Variants in TAF4B observed in about 807,000 individuals in gnomAD.
The protein encoded by TAF4B is transcription initiation factor TFIID subunit 4B.
Under a neutral mutation model 86.4 loss-of-function variants are expected in TAF4B, and 38 were observed. That is an observed-to-expected ratio of 0.44 (90% CI 0.34 to 0.58). The LOEUF (loss-of-function observed/expected upper bound fraction) is 0.58. Among genes scored for constraint, TAF4B ranks in the 20% least tolerant of loss-of-function variants. TAF4B has a pLI of 0.02. For synonymous variants in TAF4B, 388 were observed against 391.2 expected (o/e 0.99, Z 0.10); for missense variants, 988 against 1,027.6 (o/e 0.96, Z 0.53).
intron 13 of TAF4B, among the ~76,000 whole-genome samples, chr18:26,340,253 G>T (rs994414813): frequency 6.6e-6 from 1 of 152,136 alleles, no homozygotes; most frequent in African/African-American, 2.4e-5. Flanking sequence ...TTAGGTACGA[G>T]AACAGCACAG....
intron 9 of TAF4B, among the ~76,000 whole-genome samples, chr18:26,310,010 A>T (rs767126125): frequency 6.6e-6 from 1 of 151,906 alleles, no homozygotes; most frequent in Admixed American, 6.6e-5. Flanking sequence ...TTTAGTAGAG[A>T]TGGGGTTTCA....
chr18:26,329,744 A>G (rs780546262), intron 12 of TAF4B, among the ~76,000 whole-genome samples: 6 of 152,214 alleles, frequency 3.9e-5, no homozygotes, highest in Non-Finnish European at 7.3e-5. Flanking sequence ...TGATCATTTC[A>G]AAAGGGTCAT....
At chr18:26,307,640 A>T (rs1193430002) in intron 9 of TAF4B, among the ~76,000 whole-genome samples, 1 of 152,046 alleles carries the variant, frequency 6.6e-6, no homozygotes, top group Non-Finnish European at 1.5e-5. Flanking sequence ...TGTGATTTTT[A>T]TTACTTTAAA....
chr18:26,266,400 G>A (rs143012465), intron 2 of TAF4B, among the ~76,000 whole-genome samples: 1 of 152,116 alleles, frequency 6.6e-6, no homozygotes, highest in Non-Finnish European at 1.5e-5. Context: ...GCTGAGTACT[G>A]TACCCAGCCT....
rs1268220228 is a variant in TAF4B, at chr18:26,227,166, C to A, written c.233C>A (p.Ala78Asp). The change falls in exon 1 of 15, where the codon GCC becomes GAC. Residue 78 changes from alanine to aspartate, a missense_variant. Physicochemically the swap from Ala to Asp is moderately radical, Grantham distance 126. Around this residue, in one of 3 missense-constraint regions of TAF4B, gnomAD observed 747 missense variants for 737.9 expected, o/e 1.01. Transcript: ENST00000269142. ...TLVTKVAPVS[A>D]PPKVSSGPRL... The stretch of plus-strand genomic sequence containing the variant: ...GTGACCAAAGTGGCTCCGGTCAGCG[C>A]CCCTCCTAAAGTCAGCAGCGGCCCT... 6.2e-7 allele frequency: 1 copy of A among 1,614,038 alleles called. No homozygotes were observed. The highest frequency in any genetic ancestry group is 8.5e-7 in the Non-Finnish European group (1 of 1,180,032).
At chr18:26,238,446 T>C (rs528366093) in intron 1 of TAF4B, among the ~76,000 whole-genome samples, 87 of 152,090 alleles carry the variant, frequency 5.7e-4, no homozygotes, top group Middle Eastern at 3.4e-3. Context: ...GGAGGGATCC[T>C]AAAATTCCAG....
At position 26,231,034 on chromosome 18, in the gene TAF4B, CTT is replaced by C. The variant is rs536863843; in HGVS notation, c.343+3782_343+3783del. Among the ~76,000 whole-genome samples, 18 of 66,160 alleles carry C rather than the reference CTT, an allele frequency of 2.7e-4. 1 individual carries two copies. Among genetic ancestry groups the C allele is most frequent in the African/African-American group, 9.8e-4 (17 of 17,306 alleles). 43.4% of individuals were successfully genotyped at this position (66,160 alleles called of 152,430 possible). A position where few individuals can be genotyped will look rare whatever the true frequency, so the allele number is the denominator to read the frequency against. On this transcript the variant is annotated intron_variant, in intron 1 of 14. Transcript: ENST00000269142. ...GACAAACTTGTGGTGTGTTGTTTTG[CTT>C]TTTTTTTTTTTTTTTTTTTTTTTGA...
intron 13 of TAF4B, among the ~76,000 whole-genome samples, chr18:26,343,920 C>A (rs1020446321): frequency 1.3e-5 from 2 of 152,060 alleles, no homozygotes; most frequent in African/African-American, 4.8e-5. Context: ...ATCTTAACTC[C>A]CATAGGAAGA....
At chr18:26,289,455 T>C (rs922001142) in intron 7 of TAF4B, among the ~76,000 whole-genome samples, 9 of 152,206 alleles carry the variant, frequency 5.9e-5, no homozygotes, top group African/African-American at 2.2e-4. Flanking sequence ...TTATTTCTCA[T>C]TTGCGTTTGT....
intron 9 of TAF4B, 116 bp downstream of exon 9, chr18:26,293,647 CAG>C (rs1238092678): frequency 1.7e-6 from 1 of 603,414 alleles, no homozygotes; most frequent in Non-Finnish European, 2.8e-6. Context: ...ACAAAGCTAA[CAG>C]TACTTTATTG....
At chr18:26,293,213 T>A in intron 8 of TAF4B, among the ~76,000 whole-genome samples, 1 of 151,674 alleles carries the variant, frequency 6.6e-6, no homozygotes, top group South Asian at 2.1e-4. Context: ...ACATAGACTA[T>A]CTAAAAAGAA....
intron 9 of TAF4B, among the ~76,000 whole-genome samples, chr18:26,304,283 C>T (rs1417727302): frequency 6.7e-6 from 1 of 149,962 alleles, no homozygotes; most frequent in Non-Finnish European, 1.5e-5. Context: ...AGTCAAGCTA[C>T]AGGGAAACAG....
intron 9 of TAF4B, among the ~76,000 whole-genome samples, chr18:26,298,908 C>T (rs2056697610): frequency 8.4e-6 from 1 of 119,256 alleles, no homozygotes; most frequent in African/African-American, 3.3e-5. Context: ...GTTGCCCAGG[C>T]TAGAGTGCAA....
At chr18:26,240,703 A>G (rs1287058314) in intron 1 of TAF4B, among the ~76,000 whole-genome samples, 1 of 152,224 alleles carries the variant, frequency 6.6e-6, no homozygotes, top group African/African-American at 2.4e-5. Flanking sequence ...TACATTCAGT[A>G]TGATATTGGC....
At chr18:26,256,493 T>C in intron 1 of TAF4B, 1 of 614,164 alleles carries the variant, frequency 1.6e-6, no homozygotes, top group South Asian at 2.0e-5. Flanking sequence ...TCAGTTGTTT[T>C]TCTATTCTCT....
chr18:26,261,199 T>A (rs2056161032), intron 1 of TAF4B, among the ~76,000 whole-genome samples: 1 of 133,562 alleles, frequency 7.5e-6, no homozygotes, highest in African/African-American at 3.0e-5. Context: ...TTTTTTTTTT[T>A]GAGACGGAGT....
At chr18:26,233,386 G>A (rs975569630) in intron 1 of TAF4B, among the ~76,000 whole-genome samples, 7 of 152,192 alleles carry the variant, frequency 4.6e-5, no homozygotes, top group Non-Finnish European at 1.0e-4. Context: ...GAATGGTCAT[G>A]CAGGGAGTAT....
At chr18:26,247,638 T>C (rs1440015919) in intron 1 of TAF4B, among the ~76,000 whole-genome samples, 1 of 152,132 alleles carries the variant, frequency 6.6e-6, no homozygotes, top group African/African-American at 2.4e-5. Flanking sequence ...TCCCAGCACT[T>C]TGGGAGGCCG....
chr18:26,281,760 A>G (rs747699606), intron 5 of TAF4B, among the ~76,000 whole-genome samples: 48 of 152,226 alleles, frequency 3.2e-4, no homozygotes, highest in Non-Finnish European at 6.0e-4. Context: ...TTAAAACAAA[A>G]AAAATCACCC....
Sources: gnomAD v4.1 joint callset for allele counts (sites outside exome capture counted in the v4.1 genomes callset) on GRCh38, gnomAD v4.1.1 for gene constraint, gnomAD v4.1.1 regional missense constraint, MANE v1.5 for transcripts, NCBI Gene and HGNC (gene_info 2026-07-23, HGNC 2026-07-21) for gene names.